Variants in UGT1A8 observed in about 807,000 individuals in gnomAD.
UGT1A8 encodes the protein UDP glucuronosyltransferase family 1 member A8, also known as UDP-glucuronosyltransferase 1A8.
UGT1A8 carries 39 observed loss-of-function variants against 45.3 expected under a neutral mutation model. The observed-to-expected ratio is 0.86, with a 90% CI of 0.67 to 1.12. The LOEUF (loss-of-function observed/expected upper bound fraction) is 1.12, where lower values mean the gene tolerates loss of function less well. UGT1A8 is among the 50% of genes most tolerant of loss of function. UGT1A8 has a pLI of 0.00. For synonymous variants in UGT1A8, 275 were observed against 249.2 expected (o/e 1.10, Z -0.97); for missense variants, 719 against 664.9 (o/e 1.08, Z -0.90).
chr2:233,637,360 G>T (rs267599269), intron 1 of UGT1A8: 3 of 1,613,204 alleles, frequency 1.9e-6, no homozygotes, highest in Admixed American at 3.3e-5. Flanking sequence ...CTGTCATCAG[G>T]GAAAGCCATT....
At chr2:233,709,846 T>C (rs1229123892) in intron 1 of UGT1A8, among the ~76,000 whole-genome samples, 1 of 152,204 alleles carries the variant, frequency 6.6e-6, no homozygotes, top group Non-Finnish European at 1.5e-5. Flanking sequence ...CATCACCACA[T>C]TCAAGACACG....
At chr2:233,623,068 C>G (rs1410950948) in intron 1 of UGT1A8, among the ~76,000 whole-genome samples, 1 of 152,138 alleles carries the variant, frequency 6.6e-6, no homozygotes, top group Non-Finnish European at 1.5e-5. Flanking sequence ...GACCTCTGTT[C>G]TGTTCCATTG....
intron 1 of UGT1A8, among the ~76,000 whole-genome samples, chr2:233,684,467 G>GT (rs1162834640): frequency 1.3e-5 from 2 of 152,216 alleles, no homozygotes; most frequent in Non-Finnish European, 2.9e-5. Flanking sequence ...CCCATGCTGA[G>GT]TTTGTTGTGG....
intron 1 of UGT1A8, among the ~76,000 whole-genome samples, chr2:233,735,983 G>A (rs541234939): frequency 2.6e-5 from 4 of 152,114 alleles, no homozygotes; most frequent in Non-Finnish European, 5.9e-5. Context: ...TGACAATTAT[G>A]TGTCTTGGAG....
intron 1 of UGT1A8, chr2:233,648,260 A>T: frequency 1.6e-6 from 1 of 621,924 alleles, no homozygotes. Flanking sequence ...AGTTCTTTTG[A>T]TGCGGTGTTT....
intron 1 of UGT1A8, among the ~76,000 whole-genome samples, chr2:233,640,326 A>G (rs1575393847): frequency 6.6e-6 from 1 of 152,192 alleles, no homozygotes; most frequent in East Asian, 1.9e-4. Flanking sequence ...CTTTTAAAGA[A>G]ACTTTTTGGC....
chr2:233,622,143 C>T (rs555629201), intron 1 of UGT1A8, among the ~76,000 whole-genome samples: 10 of 151,596 alleles, frequency 6.6e-5, no homozygotes, highest in South Asian at 4.2e-4. Context: ...ATGAACATTT[C>T]GGTTGGTTCC....
chr2:233,690,906 T>A (rs1187282052), intron 1 of UGT1A8: 1 of 1,025,974 alleles, frequency 9.7e-7, no homozygotes, highest in African/African-American at 1.7e-5. Flanking sequence ...TGCATAGTGA[T>A]GTTAGTTTCA....
rs1005556302 is a variant in UGT1A8, at chr2:233,618,236, C to G, written c.529C>G (p.Leu177Val). ...CGCCAGGGGAATAGCTTGCCACTAT[C>G]TTGAAGAAGGTGCACAGTGCCCTGC... The part of the protein sequence containing the change: ...VFARGIACHY[L>V]EEGAQCPAPL... Residue 177 changes from leucine to valine, a missense_variant, in exon 1 of 5, where the codon CTT (leucine) becomes GTT (valine). Leu to Val is a conservative substitution (Grantham distance 32). Coordinates refer to ENST00000373450, the MANE Select transcript of UGT1A8 (RefSeq NM_019076.5). 1.2e-6 allele frequency: 2 copies of G among 1,613,952 alleles called. No individual in the cohort carries two copies. Among genetic ancestry groups the G allele is most frequent in the Admixed American group, 1.7e-5 (1 of 59,996 alleles).
At chr2:233,761,879 T>C (rs1697890681) in intron 1 of UGT1A8, among the ~76,000 whole-genome samples, 1 of 152,212 alleles carries the variant, frequency 6.6e-6, no homozygotes, top group Admixed American at 6.5e-5. Flanking sequence ...AGAGCGTTCA[T>C]TCACTTATCC....
intron 1 of UGT1A8, among the ~76,000 whole-genome samples, chr2:233,628,855 A>T (rs547773087): frequency 1.6e-4 from 24 of 152,220 alleles, no homozygotes; most frequent in African/African-American, 5.8e-4. Flanking sequence ...CACTTTTTCC[A>T]TACCTATTGA....
chr2:233,744,538 A>C (rs4663967), intron 1 of UGT1A8, among the ~76,000 whole-genome samples: 82,778 of 151,254 alleles, frequency 0.55, 24,850 homozygotes, highest in African/African-American at 0.8. Context: ...TTTTATGTAA[A>C]TTTTATTAAG....
intron 1 of UGT1A8, among the ~76,000 whole-genome samples, chr2:233,641,454 G>A (rs1320046787): frequency 6.6e-6 from 1 of 152,034 alleles, no homozygotes; most frequent in East Asian, 1.9e-4. Flanking sequence ...ATATCTTGTT[G>A]TACTGCCTAT....
chr2:233,651,994 GA>G (rs909221234), intron 1 of UGT1A8, among the ~76,000 whole-genome samples: 35 of 147,968 alleles, frequency 2.4e-4, no homozygotes, highest in African/African-American at 6.9e-4. Flanking sequence ...TTTTAATTAA[GA>G]AAAAAAAAAG....
In UGT1A8 at chr2:233,727,075, A is replaced by C. The variant is rs1559371928; in HGVS notation, c.856-39959A>C. 2.0e-5 allele frequency among the ~76,000 whole-genome samples: 3 copies of C among 152,212 alleles called. No individual in the cohort carries two copies. The South Asian group carries it at 6.2e-4, about 32-fold the overall frequency. On this transcript the variant is annotated intron_variant, in intron 1 of 4. Transcript: ENST00000373450. Reference sequence around the variant, plus strand: ...TGAAGATTAGTTTCTGTGTTCTCTTACAAACATTAAAGAATTCCAGTTTGT... The same window carrying C: ...TGAAGATTAGTTTCTGTGTTCTCTTCCAAACATTAAAGAATTCCAGTTTGT...
chr2:233,655,763 C>T (rs928850406), intron 1 of UGT1A8, among the ~76,000 whole-genome samples: 5 of 152,138 alleles, frequency 3.3e-5, no homozygotes, highest in African/African-American at 1.2e-4. Context: ...AGAGCCCCAT[C>T]CCTGCAAGAG....
At chr2:233,655,088 C>CA (rs919832435) in intron 1 of UGT1A8, among the ~76,000 whole-genome samples, 54 of 149,810 alleles carry the variant, frequency 3.6e-4, no homozygotes, top group Non-Finnish European at 6.2e-4. Flanking sequence ...GATTCTCTCT[C>CA]AAAAAAAAGA....
chr2:233,663,703 C>A (rs1559330276), intron 1 of UGT1A8, among the ~76,000 whole-genome samples: 2 of 152,146 alleles, frequency 1.3e-5, no homozygotes, highest in African/African-American at 4.8e-5. Flanking sequence ...TTGTTTTAAA[C>A]AACTATAAAA....
At chr2:233,631,617 T>C (rs2073187894) in intron 1 of UGT1A8, among the ~76,000 whole-genome samples, 1 of 152,188 alleles carries the variant, frequency 6.6e-6, no homozygotes, top group Non-Finnish European at 1.5e-5. Flanking sequence ...GATATGCTTG[T>C]TGGTTGTATA....
Sources: allele counts gnomAD v4.1 joint callset (sites outside exome capture counted in the v4.1 genomes callset), GRCh38; gene constraint gnomAD v4.1.1; transcripts MANE v1.5; gene names NCBI Gene and HGNC (gene_info 2026-07-23, HGNC 2026-07-21).